Variants in BICDL1 observed in about 807,000 individuals in gnomAD.
The protein encoded by BICDL1 is BICD family-like cargo adapter 1.
BICDL1 carries 20 observed loss-of-function variants against 76.8 expected under a neutral mutation model. That is an observed-to-expected ratio of 0.26 (90% confidence interval 0.18 to 0.38). BICDL1 has a LOEUF of 0.38. Among genes scored for constraint, BICDL1 ranks in the 10% least tolerant of loss-of-function variants. The pLI, the probability that BICDL1 is intolerant of heterozygous loss-of-function variation, is 1.00. For missense variants in BICDL1, 700 were observed against 798.6 expected (o/e 0.88, Z 1.49); for synonymous variants, 383 against 337.1 (o/e 1.14, Z -1.49).
chr12:120,086,202 A>G (rs2139007219), intron 8 of BICDL1, among the ~76,000 whole-genome samples: 1 of 151,720 alleles, frequency 6.6e-6, no homozygotes, highest in South Asian at 2.1e-4. Flanking sequence ...TCCTTCCTGG[A>G]CTCCTATAGA....
chr12:120,085,781 C>T (rs1168270145), intron 8 of BICDL1, among the ~76,000 whole-genome samples: 1 of 113,018 alleles, frequency 8.8e-6, no homozygotes, highest in Non-Finnish European at 1.6e-5. Context: ...GCCTGGATGA[C>T]AGAGCAAGAT....
chr12:120,039,778 T>C (rs919676452), intron 2 of BICDL1, among the ~76,000 whole-genome samples: 1 of 152,200 alleles, frequency 6.6e-6, no homozygotes, highest in East Asian at 1.9e-4. Flanking sequence ...GAGTTTGGGC[T>C]CTTCCACCCT....
intron 2 of BICDL1, among the ~76,000 whole-genome samples, chr12:120,008,817 A>G (rs16949848): frequency 0.016 from 2,490 of 152,306 alleles, 74 homozygotes; most frequent in African/African-American, 0.055. Context: ...GCTAAAACAG[A>G]AAAGGGCCTT....
At chr12:120,091,226 G>A in intron 9 of BICDL1, 1 of 1,161,080 alleles carries the variant, frequency 8.6e-7, no homozygotes, top group Non-Finnish European at 1.1e-6. Flanking sequence ...AGTGCTAACG[G>A]CTGGTGCCGT....
At chr12:119,998,765 T>A in intron 2 of BICDL1, 29 bp downstream of exon 2, 2 of 1,589,766 alleles carry the variant, frequency 1.3e-6, no homozygotes, top group East Asian at 4.6e-5. Flanking sequence ...ATTTAAGATG[T>A]AAAATACTAA....
chr12:120,030,530 C>A (rs1416792709), intron 2 of BICDL1, among the ~76,000 whole-genome samples: 2 of 152,094 alleles, frequency 1.3e-5, no homozygotes, highest in Non-Finnish European at 2.9e-5. Context: ...TGATCAAAAC[C>A]CCAGGAGGTA....
At chr12:120,039,378 G>T (rs1200985099) in intron 2 of BICDL1, among the ~76,000 whole-genome samples, 1 of 151,610 alleles carries the variant, frequency 6.6e-6, no homozygotes, top group Non-Finnish European at 1.5e-5. Context: ...GGTGGTTCAC[G>T]CCTGTAATCC....
chr12:120,080,819 CT>C, intron 7 of BICDL1, 67 bp from the exon 8 acceptor site: 25 of 1,576,562 alleles, frequency 1.6e-5, no homozygotes, highest in East Asian at 4.6e-5. Context: ...CTCTTTGTTC[CT>C]TTTTCCCTCT....
chr12:120,054,887 A>G (rs952392305), intron 2 of BICDL1, among the ~76,000 whole-genome samples: 1 of 152,168 alleles, frequency 6.6e-6, no homozygotes, highest in Non-Finnish European at 1.5e-5. Flanking sequence ...CTCAAATAAT[A>G]ATAATAACGT....
chr12:120,045,549 GA>G (rs1415594799), intron 2 of BICDL1, among the ~76,000 whole-genome samples: 1 of 152,040 alleles, frequency 6.6e-6, no homozygotes, highest in East Asian at 1.9e-4. Context: ...ACTGGATTAA[GA>G]AAATGTGGCA....
chr12:120,053,062 G>A (rs1366654471), intron 2 of BICDL1, among the ~76,000 whole-genome samples: 1 of 152,080 alleles, frequency 6.6e-6, no homozygotes, highest in African/African-American at 2.4e-5. Context: ...TTACAGGCGT[G>A]AGCTACCACA....
chr12:119,998,951 G>A (rs1951705836), intron 2 of BICDL1, among the ~76,000 whole-genome samples: 1 of 151,614 alleles, frequency 6.6e-6, no homozygotes, highest in South Asian at 2.1e-4. Context: ...CAGCTACTTG[G>A]GAGGCTGAGG....
chr12:119,995,106 G>A (rs1951612704), intron 1 of BICDL1, among the ~76,000 whole-genome samples: 2 of 152,070 alleles, frequency 1.3e-5, no homozygotes, highest in African/African-American at 2.4e-5. Flanking sequence ...TGACAATTTT[G>A]ATATTAACTT....
At chr12:120,084,671 C>G (rs2139000834) in intron 8 of BICDL1, among the ~76,000 whole-genome samples, 1 of 152,152 alleles carries the variant, frequency 6.6e-6, no homozygotes, top group East Asian at 1.9e-4. Context: ...GGCAGATCAC[C>G]TAAGGTCAGG....
chr12:120,046,851 A>G (rs1232102560), intron 2 of BICDL1, among the ~76,000 whole-genome samples: 1 of 152,240 alleles, frequency 6.6e-6, no homozygotes, highest in Non-Finnish European at 1.5e-5. Flanking sequence ...ATGAGTCCTC[A>G]TAGAACATTT....
At chr12:120,029,166 G>A (rs1952369939) in intron 2 of BICDL1, among the ~76,000 whole-genome samples, 1 of 152,126 alleles carries the variant, frequency 6.6e-6, no homozygotes, top group South Asian at 2.1e-4. Context: ...GGCCCAAAGT[G>A]TACCCTGTTC....
intron 2 of BICDL1, among the ~76,000 whole-genome samples, chr12:120,002,564 C>A (rs1055083836): frequency 2.6e-5 from 4 of 152,188 alleles, no homozygotes; most frequent in African/African-American, 4.8e-5. Flanking sequence ...TTGAAAAAGT[C>A]CCAATCCACC....
intron 2 of BICDL1, among the ~76,000 whole-genome samples, chr12:120,027,893 A>G (rs1436840017): frequency 2.0e-5 from 3 of 152,220 alleles, no homozygotes; most frequent in African/African-American, 7.2e-5. Flanking sequence ...ATTATAGTGC[A>G]GTACAAGAAA....
At chr12:120,084,727 T>G (rs1454095348) in intron 8 of BICDL1, among the ~76,000 whole-genome samples, 2 of 151,200 alleles carry the variant, frequency 1.3e-5, no homozygotes, top group Non-Finnish European at 3.0e-5. Context: ...CCGTCTCTAC[T>G]AAAAATACAA....
Sources: gnomAD v4.1 joint callset for allele counts (sites outside exome capture counted in the v4.1 genomes callset) on GRCh38, gnomAD v4.1.1 for gene constraint, MANE v1.5 for transcripts, NCBI Gene and HGNC (gene_info 2026-07-23, HGNC 2026-07-21) for gene names.